PKIB: variants seen among roughly 807,000 people sequenced by gnomAD.
PKIB encodes the protein cAMP-dependent protein kinase inhibitor beta.
Under a neutral mutation model 4.5 loss-of-function variants are expected in PKIB, and 2 were observed. The observed-to-expected ratio is 0.44, with a 90% confidence interval of 0.18 to 1.39. The LOEUF is 1.39. PKIB is among the 40% of genes most tolerant of loss of function. The probability of loss-of-function intolerance (pLI) is 0.27; values close to 1 mark genes in which losing one functional copy is unlikely to be tolerated. For missense variants in PKIB, 94 were observed against 92.6 expected (o/e 1.02, Z -0.06); for synonymous variants, 38 against 36.0 (o/e 1.06, Z -0.20).
intron 2 of PKIB, among the ~76,000 whole-genome samples, chr6:122,502,002 G>A (rs1445276820): frequency 6.8e-6 from 1 of 148,136 alleles, no homozygotes; most frequent in Non-Finnish European, 1.5e-5. Context: ...TCCCAGGCTG[G>A]AGTGCAATGG....
chr6:122,500,913 A>G (rs555772398), intron 2 of PKIB, among the ~76,000 whole-genome samples: 2 of 152,254 alleles, frequency 1.3e-5, no homozygotes, highest in South Asian at 2.1e-4. Flanking sequence ...TGGAAGCACT[A>G]CATACTTTTA....
intron 2 of PKIB, among the ~76,000 whole-genome samples, chr6:122,548,742 C>T (rs537559845): frequency 2.0e-4 from 31 of 151,966 alleles, no homozygotes; most frequent in African/African-American, 7.5e-4. Flanking sequence ...ATATTGAGTA[C>T]AATTAATAAT....
chr6:122,535,360 A>T (rs528637574), intron 2 of PKIB, among the ~76,000 whole-genome samples: 1 of 152,300 alleles, frequency 6.6e-6, no homozygotes, highest in Non-Finnish European at 1.5e-5. Context: ...AGGTTCAATT[A>T]TGAGTTCCTT....
chr6:122,579,727 G>A (rs1179087910), intron 2 of PKIB, among the ~76,000 whole-genome samples: 2 of 152,108 alleles, frequency 1.3e-5, no homozygotes, highest in African/African-American at 4.8e-5. Context: ...TCAAGATCAG[G>A]TTGTAAATAA....
chr6:122,598,805 CT>C lies in PKIB; in HGVS notation c.-161+12806del, dbSNP rs201833174. Among the ~76,000 whole-genome samples, 632 of 152,080 alleles carry C rather than the reference CT, an allele frequency of 4.2e-3. 8 individuals are homozygous for C. The highest frequency in any genetic ancestry group is 0.014 in the African/African-American group (577 of 41,470). On this transcript the variant is annotated intron_variant, in intron 3 of 6. Transcript: ENST00000392491. ...AACCAAACAAATAAACTATTATAAT[CT>C]TTTTTTTAACTCCCTGAGCTGCAAC...
rs1774301070 is a variant in PKIB at position 122,599,862 on chromosome 6, C to T, written c.-161+13855C>T. 2.0e-5 allele frequency among the ~76,000 whole-genome samples: 3 copies of T among 152,056 alleles called. No individual in the cohort carries two copies. The South Asian group carries it at 6.2e-4, about 32-fold the overall frequency. On this transcript the variant is annotated intron_variant, in intron 3 of 6. Transcript: ENST00000392491. ...CATATTAAGCAGCCAACTCCAGAAA[C>T]CCCAAAACCAATGAAAGAACTCCAT...
intron 2 of PKIB, among the ~76,000 whole-genome samples, chr6:122,571,372 C>T (rs1367156251): frequency 1.3e-5 from 2 of 152,134 alleles, no homozygotes; most frequent in African/African-American, 4.8e-5. Flanking sequence ...GCTAGATATA[C>T]AGATATCAAA....
intron 3 of PKIB, among the ~76,000 whole-genome samples, chr6:122,708,666 C>T (rs1289360644): frequency 3.3e-5 from 5 of 152,120 alleles, no homozygotes; most frequent in African/African-American, 1.2e-4. Context: ...TGGAGTCTTG[C>T]TCTGTTGCCC....
In PKIB at chr6:122,525,623, CAAT is replaced by C. The variant is rs148748667; in HGVS notation, c.-248+47689_-248+47691del. On this transcript the variant is annotated intron_variant, in intron 2 of 6. Coordinates refer to the PKIB transcript ENST00000392491. ...TAACACTATACTATAGTCAAATGTG[CAAT>C]AATATTATTTCTAAAAAGATGTACA... Among the ~76,000 whole-genome samples the C allele has an allele frequency of 2.1e-4, 32 of 152,164 alleles. No individual in the cohort carries two copies. The East Asian group carries it at 6.0e-3, about 28-fold the overall frequency.
At chr6:122,607,772 G>A (rs373396222), upstream of PKIB, among the ~76,000 whole-genome samples, 39 of 152,174 alleles carry the variant, frequency 2.6e-4, no homozygotes, top group East Asian at 3.5e-3. Flanking sequence ...CACATTCTAG[G>A]GTCACAGGGG....
intron 2 of PKIB, among the ~76,000 whole-genome samples, chr6:122,523,380 C>T (rs533991051): frequency 2.6e-4 from 39 of 152,218 alleles, no homozygotes; most frequent in Admixed American, 7.8e-4. Context: ...TGTGTCCCCA[C>T]GCAAATCTTG....
chr6:122,597,068 A>G (rs1246821419), intron 3 of PKIB, among the ~76,000 whole-genome samples: 2 of 152,086 alleles, frequency 1.3e-5, no homozygotes, highest in Non-Finnish European at 2.9e-5. Context: ...ACACCACTGG[A>G]CCCCTAGAAA....
intron 2 of PKIB, among the ~76,000 whole-genome samples, chr6:122,573,899 A>G (rs1366490557): frequency 1.3e-5 from 2 of 152,248 alleles, no homozygotes; most frequent in African/African-American, 4.8e-5. Flanking sequence ...TCTGTGCAAC[A>G]TAGTACTGGA....
chr6:122,517,849 A>C (rs572662471), intron 2 of PKIB, among the ~76,000 whole-genome samples: 1 of 152,354 alleles, frequency 6.6e-6, no homozygotes, highest in Non-Finnish European at 1.5e-5. Flanking sequence ...CATCATTCTC[A>C]AACAGATATT....
chr6:122,724,344 T>G (rs1189698107), intron 4 of PKIB, among the ~76,000 whole-genome samples: 2 of 152,128 alleles, frequency 1.3e-5, no homozygotes, highest in Non-Finnish European at 2.9e-5. Context: ...TTAGACTGCA[T>G]AGCAGGAGTA....
intron 2 of PKIB, among the ~76,000 whole-genome samples, chr6:122,646,408 A>C (rs2114864151): frequency 6.6e-6 from 1 of 152,278 alleles, no homozygotes; most frequent in South Asian, 2.1e-4. Context: ...TTAGCATTTA[A>C]CAGCCTTCTA....
chr6:122,554,014 A>C (rs1178269600), intron 2 of PKIB, among the ~76,000 whole-genome samples: 4 of 152,188 alleles, frequency 2.6e-5, no homozygotes, highest in African/African-American at 4.8e-5. Context: ...TCTGGTGGAC[A>C]TTTGCATTTA....
At chr6:122,701,320 C>G in intron 3 of PKIB, 1 of 763,852 alleles carries the variant, frequency 1.3e-6, no homozygotes, top group Non-Finnish European at 2.1e-6. Context: ...ATTGCTGCTC[C>G]AAGCAGCCAG....
At chr6:122,556,148 A>T (rs1482155557) in intron 2 of PKIB, among the ~76,000 whole-genome samples, 6 of 152,130 alleles carry the variant, frequency 3.9e-5, no homozygotes, top group African/African-American at 1.4e-4. Context: ...TTCTCATGAG[A>T]TCTGATGGCT....
Sources: allele counts gnomAD v4.1 joint callset (sites outside exome capture counted in the v4.1 genomes callset), GRCh38; gene constraint gnomAD v4.1.1; transcripts MANE v1.5; gene names NCBI Gene and HGNC (gene_info 2026-07-23, HGNC 2026-07-21).